The following SEMA6A variants were observed in gnomAD, a reference collection of about 807,000 sequenced individuals.
The protein encoded by SEMA6A is semaphorin-6A.
Under a neutral mutation model 96.8 loss-of-function variants are expected in SEMA6A, and 25 were observed. The observed-to-expected ratio is 0.26, with a 90% CI of 0.19 to 0.36. The LOEUF is 0.36. Among genes scored for constraint, SEMA6A ranks in the 10% least tolerant of loss-of-function variants. The pLI is 1.00. For missense variants in SEMA6A, 1,363 were observed against 1,323.1 expected (o/e 1.03, Z -0.47); for synonymous variants, 612 against 518.0 (o/e 1.18, Z -2.46).
At chr5:116,536,866 TAAAAAAAAAAAAAA>T (rs72214884) in intron 1 of SEMA6A, among the ~76,000 whole-genome samples, 4,362 of 69,584 alleles carry the variant, frequency 0.063, 135 homozygotes, top group Non-Finnish European at 0.088. Flanking sequence ...TGTGATTTCT[TAAAAAAAAAAAAAA>T]AAAAAAAAAA....
chr5:116,571,231 T>C (rs1344627712), intron 1 of SEMA6A, among the ~76,000 whole-genome samples: 2 of 152,224 alleles, frequency 1.3e-5, no homozygotes, highest in Non-Finnish European at 2.9e-5. Context: ...CTGGTTCTTA[T>C]AAAATTTTTA....
intron 3 of SEMA6A, among the ~76,000 whole-genome samples, chr5:116,500,957 G>A (rs1304339480): frequency 6.6e-6 from 1 of 152,202 alleles, no homozygotes; most frequent in African/African-American, 2.4e-5. Context: ...GTTGCAGTGA[G>A]CTGAGATCGC....
chr5:116,560,410 C>T (rs1369874006), intron 1 of SEMA6A, among the ~76,000 whole-genome samples: 1 of 151,446 alleles, frequency 6.6e-6, no homozygotes, highest in Non-Finnish European at 1.5e-5. Context: ...CTTTTCCTTG[C>T]CAAGAGTAGG....
Position 116,446,892 on chromosome 5 carries a change from G to A in SEMA6A, c.2814C>T (p.Asn938=), listed in dbSNP as rs1222159163. The A allele has an allele frequency of 1.2e-6, 2 of 1,613,848 alleles. No individual in the cohort carries two copies. Among genetic ancestry groups the A allele is most frequent in the South Asian group, 1.1e-5 (1 of 91,058 alleles). Residue 938 remains asparagine, a synonymous_variant, in exon 19 of 19, where the codon AAC becomes AAT. Transcript: ENST00000343348. ...SHQATTLKRN[N]TNSSNSSHLS... is the part of the protein sequence containing the mutation. ...GGTGAGAGGAATTGGAGGAGTTAGT[G>A]TTGTTTCTTTTGAGAGTGGTGGCCT...
At position 116,486,926 on chromosome 5, in the gene SEMA6A, A is replaced by C. The variant is rs1174575960; in HGVS notation, c.785T>G (p.Met262Arg). 3.1e-6 allele frequency: 5 copies of C among 1,613,798 alleles called. No individual in the cohort carries two copies. The Admixed American group carries it at 8.3e-5, about 27-fold the overall frequency. Residue 262 changes from methionine (M) to arginine (R), a missense_variant, in exon 10 of 19, where the codon ATG (methionine) becomes AGG (arginine). Met to Arg is a moderately conservative substitution (Grantham distance 91). Transcript: ENST00000343348. ...PRVAQVCKND[M>R]GGSQRVLEKQ... is the part of the protein sequence containing the mutation. ...CTCCAGGACTCTTTGAGATCCTCCCATATCATTCTTACAAACCTGAGCCAC... is the reference window on the plus strand; with the variant it reads ...CTCCAGGACTCTTTGAGATCCTCCCCTATCATTCTTACAAACCTGAGCCAC...
chr5:116,521,123 C>G (rs1758929477), intron 1 of SEMA6A, among the ~76,000 whole-genome samples: 1 of 152,314 alleles, frequency 6.6e-6, no homozygotes, highest in Non-Finnish European at 1.5e-5. Context: ...AACATCATGG[C>G]CAATGACAGA....
intron 3 of SEMA6A, chr5:116,498,479 A>C (rs190179692): frequency 2.0e-5 from 3 of 151,950 alleles, no homozygotes; most frequent in Admixed American, 6.5e-5. Context: ...CAACAGAGAA[A>C]GATAACAGGC....
At chr5:116,518,748 C>G (rs1480201983) in intron 1 of SEMA6A, among the ~76,000 whole-genome samples, 1 of 152,174 alleles carries the variant, frequency 6.6e-6, no homozygotes, top group Non-Finnish European at 1.5e-5. Context: ...CTACTTAGCC[C>G]TGGTTACTGG....
chr5:116,560,930 A>C (rs1183941938), intron 1 of SEMA6A, among the ~76,000 whole-genome samples: 1 of 152,114 alleles, frequency 6.6e-6, no homozygotes, highest in Non-Finnish European at 1.5e-5. Flanking sequence ...CTATGTCAGG[A>C]CTCACTTCTA....
intron 1 of SEMA6A, among the ~76,000 whole-genome samples, chr5:116,544,044 C>A (rs1165614050): frequency 6.6e-6 from 1 of 152,176 alleles, no homozygotes; most frequent in Admixed American, 6.5e-5. Flanking sequence ...AAAAAGAATT[C>A]TCTTTGGCCC....
At chr5:116,565,337 A>G (rs1373692224) in intron 1 of SEMA6A, among the ~76,000 whole-genome samples, 1 of 152,176 alleles carries the variant, frequency 6.6e-6, no homozygotes, top group Non-Finnish European at 1.5e-5. Context: ...GCCCTAGTAT[A>G]TCTCAAACCT....
intron 18 of SEMA6A, among the ~76,000 whole-genome samples, chr5:116,463,480 G>A (rs1339966642): frequency 6.6e-6 from 1 of 152,130 alleles, no homozygotes; most frequent in Non-Finnish European, 1.5e-5. Context: ...TAGATCTTAT[G>A]AATCTTACCG....
intron 10 of SEMA6A, 69 bp downstream of exon 10, chr5:116,486,680 G>T: frequency 1.5e-6 from 2 of 1,309,518 alleles, no homozygotes; most frequent in Non-Finnish European, 1.1e-6. Context: ...TGGTTTATTA[G>T]AAGAGAACCC....
At position 116,495,504 on chromosome 5, in the gene SEMA6A, TG is replaced by T; in HGVS notation, c.352del (p.His118ThrfsTer8). On this transcript the variant is annotated frameshift_variant, in exon 6 of 19. Transcript: ENST00000343348. LOFTEE classifies it high-confidence loss of function. ...RMKGKHKDEC[H>X]NFIKVLLKKN... ...CTTTAGAAGAACTTTAATAAAGTTG[TG>T]GCACTCATCCTGAAAAATAATTCAA... 1 of 1,595,028 alleles carries T rather than the reference TG, an allele frequency of 6.3e-7. No individual in the cohort carries two copies. The highest frequency in any genetic ancestry group is 8.6e-7 in the Non-Finnish European group (1 of 1,169,148).
chr5:116,560,566 G>A (rs976944041), intron 1 of SEMA6A, among the ~76,000 whole-genome samples: 1 of 151,824 alleles, frequency 6.6e-6, no homozygotes, highest in African/African-American at 2.4e-5. Context: ...CTAAAAACGT[G>A]TTTCTGTTTT....
At chr5:116,498,090 GTGTGGGGCTATATTTAAACATCCCCTTC>G (rs1400872684) in intron 3 of SEMA6A, among the ~76,000 whole-genome samples, 2 of 152,158 alleles carry the variant, frequency 1.3e-5, no homozygotes, top group African/African-American at 2.4e-5. Context: ...AGCAGCTCAG[GTGTGGGGCTATATTTAAACATCCCCTTC>G]TGTGTGAGCT....
chr5:116,574,266 G>C lies in SEMA6A; in HGVS notation c.-120C>G, dbSNP rs1211397394. On this transcript the variant is annotated 5_prime_UTR_variant, in exon 1 of 19. Coordinates refer to ENST00000343348, the MANE Select transcript of SEMA6A (RefSeq NM_020796.5). ...GTATCCCATTTAGTAATCCATTATC[G>C]AGGGGATCTCTCCGGGCCGCGGGCT... 5 of 152,354 alleles carry C rather than the reference G, an allele frequency of 3.3e-5. No homozygotes were observed. The highest frequency in any genetic ancestry group is 7.3e-5 in the African/African-American group (3 of 41,348). The allele number at this position is 152,354 out of a possible 1,614,324, so 9.4% of individuals were successfully genotyped here.
intron 3 of SEMA6A, among the ~76,000 whole-genome samples, chr5:116,501,524 A>G (rs1242823315): frequency 6.6e-6 from 1 of 152,224 alleles, no homozygotes; most frequent in Non-Finnish European, 1.5e-5. Flanking sequence ...GCAAAAATAC[A>G]AATAGGTTTA....
intron 15 of SEMA6A, among the ~76,000 whole-genome samples, chr5:116,476,875 T>C (rs1561482453): frequency 6.6e-6 from 1 of 152,226 alleles, no homozygotes; most frequent in Non-Finnish European, 1.5e-5. Context: ...TTTGCATTAG[T>C]CAAATTTCTA....
Sources: allele counts gnomAD v4.1 joint callset (sites outside exome capture counted in the v4.1 genomes callset), GRCh38; gene constraint gnomAD v4.1.1; transcripts MANE v1.5; gene names NCBI Gene and HGNC (gene_info 2026-07-23, HGNC 2026-07-21).